Variants in ARHGAP42 observed in about 807,000 individuals in gnomAD.
ARHGAP42 encodes rho GTPase-activating protein 42.
ARHGAP42 carries 63 observed loss-of-function variants against 125.0 expected under a neutral mutation model. The observed-to-expected ratio is 0.50, with a 90% confidence interval of 0.41 to 0.62. ARHGAP42 has a LOEUF of 0.62. ARHGAP42 is among the 20% of genes least tolerant of loss of function. The probability of loss-of-function intolerance (pLI) is 0.00; values close to 1 mark genes in which losing one functional copy is unlikely to be tolerated. For missense variants in ARHGAP42, 766 were observed against 1,024.2 expected (o/e 0.75, Z 3.44); for synonymous variants, 339 against 351.0 (o/e 0.97, Z 0.38).
chr11:100,694,754 CGTG>C (rs1474269466), intron 1 of ARHGAP42, among the ~76,000 whole-genome samples: 1 of 152,170 alleles, frequency 6.6e-6, no homozygotes, highest in Non-Finnish European at 1.5e-5. Flanking sequence ...TGAGGCCAGG[CGTG>C]GTGGCTCACG....
chr11:100,992,315 T>G lies in ARHGAP42; in HGVS notation c.*3514T>G. 6.3e-7 allele frequency: 1 copy of G among 1,598,732 alleles called. No homozygotes were observed. Among genetic ancestry groups the G allele is most frequent in the Non-Finnish European group, 8.5e-7 (1 of 1,173,834 alleles). On this transcript the variant is annotated 3_prime_UTR_variant, in exon 24 of 24. Transcript: ENST00000298815. ...GTAACTCACAGCTGTTAGCATGACCTCACATCACTGCGTAGGACCCGGAAA... is the reference window on the plus strand; with the variant it reads ...GTAACTCACAGCTGTTAGCATGACCGCACATCACTGCGTAGGACCCGGAAA...
intron 1 of ARHGAP42, among the ~76,000 whole-genome samples, chr11:100,762,481 TGTTA>T (rs1410502578): frequency 6.6e-6 from 1 of 152,258 alleles, no homozygotes; most frequent in Non-Finnish European, 1.5e-5. Context: ...TTTCCATTTC[TGTTA>T]GTTACTCAAA....
chr11:100,706,308 T>G (rs1003209163), intron 1 of ARHGAP42, among the ~76,000 whole-genome samples: 1 of 152,234 alleles, frequency 6.6e-6, no homozygotes, highest in Admixed American at 6.5e-5. Context: ...ACTCAGGAGA[T>G]GGACACATGA....
intron 1 of ARHGAP42, among the ~76,000 whole-genome samples, chr11:100,704,888 G>A (rs1029041987): frequency 1.3e-5 from 2 of 151,596 alleles, no homozygotes; most frequent in African/African-American, 2.4e-5. Flanking sequence ...TGAGGCAGGA[G>A]GATCGCTTGA....
intron 4 of ARHGAP42, among the ~76,000 whole-genome samples, chr11:100,873,780 A>G (rs10895024): frequency 1.3e-5 from 2 of 151,960 alleles, no homozygotes; most frequent in Admixed American, 1.3e-4. Flanking sequence ...AGAAAGGGCA[A>G]TGTAATTTGC....
rs191139415 is a variant in ARHGAP42 at position 100,898,090 on chromosome 11, G to T, written c.385-15362G>T. The stretch of plus-strand genomic sequence containing the variant: ...TGTCAAAGGCCTTTTCTGCATCTAT[G>T]GAGATAATCATGGGGTTTTTGTGTT... On this transcript the variant is annotated intron_variant, in intron 4 of 23. Coordinates refer to ENST00000298815, the MANE Select transcript of ARHGAP42 (RefSeq NM_152432.4). Among the ~76,000 whole-genome samples, 59 of 152,224 alleles carry T rather than the reference G, an allele frequency of 3.9e-4. No homozygotes were observed. The East Asian group carries it at 9.6e-3, about 25-fold the overall frequency.
At chr11:100,791,700 G>A (rs1863571933) in intron 2 of ARHGAP42, among the ~76,000 whole-genome samples, 2 of 151,688 alleles carry the variant, frequency 1.3e-5, no homozygotes, top group Non-Finnish European at 1.5e-5. Flanking sequence ...AAAAAAAAGA[G>A]GGAAGAAAAT....
intron 3 of ARHGAP42, among the ~76,000 whole-genome samples, chr11:100,827,597 A>G (rs1312780936): frequency 6.6e-6 from 1 of 152,202 alleles, no homozygotes; most frequent in Non-Finnish European, 1.5e-5. Context: ...CCTCATCAGT[A>G]TGAGGCTGTG....
At chr11:100,919,227 A>T (rs577556470) in intron 5 of ARHGAP42, among the ~76,000 whole-genome samples, 1 of 152,310 alleles carries the variant, frequency 6.6e-6, no homozygotes, top group East Asian at 1.9e-4. Flanking sequence ...GGCTGGTCAC[A>T]TAGCACTCGC....
chr11:100,934,936 T>C (rs1867692045), intron 7 of ARHGAP42, among the ~76,000 whole-genome samples: 1 of 152,204 alleles, frequency 6.6e-6, no homozygotes, highest in Non-Finnish European at 1.5e-5. Context: ...ATTTAGGCTT[T>C]TACAGTTACT....
At chr11:100,934,101 T>C (rs527468502) in intron 7 of ARHGAP42, among the ~76,000 whole-genome samples, 1 of 152,210 alleles carries the variant, frequency 6.6e-6, no homozygotes, top group Non-Finnish European at 1.5e-5. Context: ...AGTCTCTTTT[T>C]TAAGACAGCA....
chr11:100,773,500 T>G (rs1436765354), intron 2 of ARHGAP42, among the ~76,000 whole-genome samples: 5 of 152,236 alleles, frequency 3.3e-5, no homozygotes, highest in Non-Finnish European at 7.3e-5. Context: ...TGGTTGACCC[T>G]TTACCTGTTA....
chr11:100,988,750 T>A lies in ARHGAP42; in HGVS notation c.2574T>A (p.Thr858=). The A allele has an allele frequency of 6.4e-7, 1 of 1,550,628 alleles. No homozygotes were observed. Among genetic ancestry groups the A allele is most frequent in the Non-Finnish European group, 8.7e-7 (1 of 1,146,316 alleles). The part of the protein sequence containing the change: ...PSVEPGWLKA[T]YEGKTGLVPE... ...TGGAACCAGGATGGTTAAAGGCAAC[T>A]TATGAAGGCAAAACAGGACTAGTTC... is the stretch of plus-strand genomic sequence containing the variant. Residue 858 remains threonine (T), a synonymous_variant, in exon 24 of 24, where the codon ACT becomes ACA. Coordinates refer to ENST00000298815, the MANE Select transcript of ARHGAP42 (RefSeq NM_152432.4).
chr11:100,732,458 G>A (rs11224418), intron 1 of ARHGAP42, among the ~76,000 whole-genome samples: 2,376 of 152,214 alleles, frequency 0.016, 81 homozygotes, highest in African/African-American at 0.053. Context: ...AATGTACATC[G>A]TCTCAGACCA....
chr11:100,895,277 T>G (rs1175628713), intron 4 of ARHGAP42, among the ~76,000 whole-genome samples: 1 of 152,138 alleles, frequency 6.6e-6, no homozygotes, highest in African/African-American at 2.4e-5. Flanking sequence ...AAGTAAAACG[T>G]GTTAGCTCAC....
chr11:100,913,409 T>C, intron 4 of ARHGAP42, 43 bp from the exon 5 acceptor site: 1 of 931,922 alleles, frequency 1.1e-6, no homozygotes, highest in Admixed American at 3.8e-5. Context: ...GTTTTCTGGG[T>C]GCTCTGAGTT....
At chr11:100,808,454 G>A (rs1301075529) in intron 3 of ARHGAP42, among the ~76,000 whole-genome samples, 2 of 143,054 alleles carry the variant, frequency 1.4e-5, no homozygotes, top group African/African-American at 2.6e-5. Context: ...GCCGGACTGC[G>A]GACTGCAGTG....
rs544808691 is a variant in ARHGAP42, at chr11:100,993,720, A to G, written c.*4919A>G. ...CAGTCATTAACATGACAAATTAAGT[A>G]ATAAATATAAAAGTGATTGTCCATA... On this transcript the variant is annotated 3_prime_UTR_variant, in exon 24 of 24. Coordinates refer to ENST00000298815, the MANE Select transcript of ARHGAP42 (RefSeq NM_152432.4). 5 of 167,236 alleles carry G rather than the reference A, an allele frequency of 3.0e-5. No individual in the cohort carries two copies. Among genetic ancestry groups the G allele is most frequent in the Non-Finnish European group, 7.3e-5 (5 of 68,112 alleles). 10.4% of individuals were successfully genotyped at this position (167,236 alleles called of 1,614,324 possible). A position where few individuals can be genotyped will look rare whatever the true frequency, so the allele number is the denominator to read the frequency against.
chr11:100,867,521 C>G (rs1941369), intron 4 of ARHGAP42, among the ~76,000 whole-genome samples: 42,709 of 152,200 alleles, frequency 0.28, 6,171 homozygotes, highest in Non-Finnish European at 0.32. Context: ...TTCCTTATTT[C>G]TCTCAGCCTT....
Sources: allele counts gnomAD v4.1 joint callset (sites outside exome capture counted in the v4.1 genomes callset), GRCh38; gene constraint gnomAD v4.1.1; transcripts MANE v1.5; gene names NCBI Gene and HGNC (gene_info 2026-07-23, HGNC 2026-07-21).